The following SLC24A3 variants were observed in gnomAD, a reference collection of about 807,000 sequenced individuals.
SLC24A3 encodes solute carrier family 24 member 3, also known as sodium/potassium/calcium exchanger 3.
A neutral mutation model predicts 75.8 loss-of-function variants in SLC24A3; 28 were observed. That is an observed-to-expected ratio of 0.37 (90% CI 0.27 to 0.51). SLC24A3 has a LOEUF of 0.51. SLC24A3 is among the 20% of genes least tolerant of loss of function. The pLI is 0.94. For synonymous variants in SLC24A3, 372 were observed against 334.1 expected, an observed-to-expected ratio of 1.11 and a Z score of -1.24; for missense variants, 663 against 847.8, an observed-to-expected ratio of 0.78 and a Z score of 2.71.
chr20:19,264,976 T>C (rs759738185), intron 1 of SLC24A3, among the ~76,000 whole-genome samples: 1 of 152,236 alleles, frequency 6.6e-6, no homozygotes, highest in African/African-American at 2.4e-5. Flanking sequence ...CTTTCCACTT[T>C]CTTTCACTGT....
At position 19,530,878 on chromosome 20, in the gene SLC24A3, G is replaced by C. The variant is rs564151671; in HGVS notation, c.348+15314G>C. On this transcript the variant is annotated intron_variant, in intron 3 of 16. Transcript: ENST00000328041. Reference sequence around the variant, plus strand: ...ATACCCACCTGTCCAGAGTAAACAGGTATGGCTCCATGCCCTGGGGTTAGA... The same window carrying C: ...ATACCCACCTGTCCAGAGTAAACAGCTATGGCTCCATGCCCTGGGGTTAGA... Among the ~76,000 whole-genome samples, 8 of 152,302 alleles carry C rather than the reference G, an allele frequency of 5.3e-5. No individual in the cohort carries two copies. The East Asian group carries it at 1.5e-3, about 29-fold the overall frequency.
intron 6 of SLC24A3, among the ~76,000 whole-genome samples, chr20:19,601,136 A>G (rs1959726794): frequency 2.0e-5 from 3 of 152,196 alleles, no homozygotes; most frequent in African/African-American, 7.2e-5. Flanking sequence ...TGTGGTGTTG[A>G]TATATGTTTA....
At chr20:19,343,751 A>C (rs1332256807) in intron 2 of SLC24A3, among the ~76,000 whole-genome samples, 1 of 152,184 alleles carries the variant, frequency 6.6e-6, no homozygotes, top group Non-Finnish European at 1.5e-5. Context: ...GAGGGACTGG[A>C]AAGTGTTAGG....
intron 3 of SLC24A3, among the ~76,000 whole-genome samples, chr20:19,547,583 T>G (rs565182425): frequency 6.6e-6 from 1 of 152,316 alleles, no homozygotes; most frequent in South Asian, 2.1e-4. Flanking sequence ...TGAAGCCGGA[T>G]CTCACAGGTG....
At chr20:19,587,957 A>G (rs1255443613) in intron 6 of SLC24A3, among the ~76,000 whole-genome samples, 2 of 152,164 alleles carry the variant, frequency 1.3e-5, no homozygotes, top group African/African-American at 4.8e-5. Context: ...AATTTGACCA[A>G]CTCATTGATG....
intron 6 of SLC24A3, among the ~76,000 whole-genome samples, chr20:19,611,980 C>T (rs1355663771): frequency 6.6e-6 from 1 of 152,188 alleles, no homozygotes; most frequent in African/African-American, 2.4e-5. Flanking sequence ...TGCTTTTTCT[C>T]TCCTCCCCAC....
At chr20:19,258,936 C>G (rs192334989) in intron 1 of SLC24A3, among the ~76,000 whole-genome samples, 50 of 152,228 alleles carry the variant, frequency 3.3e-4, no homozygotes, top group African/African-American at 9.4e-4. Flanking sequence ...CAATAATTCA[C>G]CAGAGAAATG....
At chr20:19,468,004 A>G (rs996735296) in intron 2 of SLC24A3, among the ~76,000 whole-genome samples, 2 of 152,164 alleles carry the variant, frequency 1.3e-5, no homozygotes, top group African/African-American at 2.4e-5. Flanking sequence ...TCCATAGGAA[A>G]GAGTGGTCAC....
rs1204344796 is a variant in SLC24A3, at chr20:19,486,064, G to A, written c.272-29424G>A. ...GTAAGTGGGCTGGAGGGTAGGTGGA[G>A]GGAATTTCAGCTCCATCTCATGGCC... On this transcript the variant is annotated intron_variant, in intron 2 of 16. Coordinates refer to ENST00000328041, the MANE Select transcript of SLC24A3 (RefSeq NM_020689.4). 6.6e-5 allele frequency among the ~76,000 whole-genome samples: 10 copies of A among 152,206 alleles called. No homozygotes were observed. The East Asian group carries it at 1.7e-3, about 26-fold the overall frequency.
intron 2 of SLC24A3, among the ~76,000 whole-genome samples, chr20:19,420,528 G>A (rs1181742490): frequency 6.8e-6 from 1 of 147,282 alleles, no homozygotes; most frequent in Non-Finnish European, 1.5e-5. Flanking sequence ...ATTCTAACTG[G>A]TGTGAGATGA....
intron 13 of SLC24A3, 122 bp from the exon 14 acceptor site, chr20:19,696,675 A>G (rs962468010): frequency 7.5e-6 from 5 of 662,366 alleles, no homozygotes; most frequent in South Asian, 7.2e-5. Context: ...TACAGAGAGC[A>G]GACATTGCAC....
At chr20:19,545,418 G>C (rs1484219671) in intron 3 of SLC24A3, among the ~76,000 whole-genome samples, 4 of 152,218 alleles carry the variant, frequency 2.6e-5, no homozygotes, top group African/African-American at 9.6e-5. Flanking sequence ...GGACAGAGCT[G>C]CTCCGTGTAT....
intron 6 of SLC24A3, among the ~76,000 whole-genome samples, chr20:19,614,685 C>T (rs933801460): frequency 6.6e-6 from 1 of 152,210 alleles, no homozygotes; most frequent in Non-Finnish European, 1.5e-5. Flanking sequence ...GGAGAGTGCA[C>T]TCGGTGACAC....
In SLC24A3 at chr20:19,387,751, G is replaced by A. The variant is rs577333013; in HGVS notation, c.271+106664G>A. 1.2e-4 allele frequency among the ~76,000 whole-genome samples: 19 copies of A among 152,130 alleles called. No individual in the cohort carries two copies. The South Asian group carries it at 3.9e-3, about 32-fold the overall frequency. ...TTTGTGGCCTAACATGATCTATCCC[G>A]GGAAACATTTCTTGTGTGCTTGAAA... On this transcript the variant is annotated intron_variant, in intron 2 of 16. Transcript: ENST00000328041.
At chr20:19,652,453 C>T (rs920423407) in intron 6 of SLC24A3, among the ~76,000 whole-genome samples, 1 of 151,970 alleles carries the variant, frequency 6.6e-6, no homozygotes, top group East Asian at 1.9e-4. Flanking sequence ...GAGTGATGAC[C>T]ACAGATTCTA....
chr20:19,516,143 CA>C (rs2029982919), intron 3 of SLC24A3, among the ~76,000 whole-genome samples: 1 of 152,172 alleles, frequency 6.6e-6, no homozygotes, highest in South Asian at 2.1e-4. Flanking sequence ...AGAAGATGAA[CA>C]AGAAAAGCTT....
chr20:19,236,406 G>A (rs572222650), intron 1 of SLC24A3, among the ~76,000 whole-genome samples: 178 of 152,200 alleles, frequency 1.2e-3, no homozygotes, highest in African/African-American at 3.9e-3. Flanking sequence ...TTGATAGACC[G>A]GCCCATATAT....
intron 8 of SLC24A3, among the ~76,000 whole-genome samples, chr20:19,668,275 A>G (rs145075283): frequency 6.6e-6 from 1 of 152,198 alleles, no homozygotes; most frequent in African/African-American, 2.4e-5. Context: ...TTAATGGATG[A>G]AAAATAATGG....
At position 19,246,081 on chromosome 20, in the gene SLC24A3, G is replaced by A. The variant is rs145159881; in HGVS notation, c.142+33097G>A. Among the ~76,000 whole-genome samples the A allele has an allele frequency of 1.8e-4, 28 of 152,160 alleles. No homozygotes were observed. In the East Asian group the frequency reaches 4.8e-3, roughly 26 times the overall value. ...ACATGTGTAAGAATTCACTTTGTAC[G>A]TGGCCATAACACAAGTCTCAAAAAA... On this transcript the variant is annotated intron_variant, in intron 1 of 16. Transcript: ENST00000328041.
Sources: gnomAD v4.1 joint callset for allele counts (sites outside exome capture counted in the v4.1 genomes callset) on GRCh38, gnomAD v4.1.1 for gene constraint, MANE v1.5 for transcripts, NCBI Gene and HGNC (gene_info 2026-07-23, HGNC 2026-07-21) for gene names.